The following BACH2 variants were observed in gnomAD, a reference collection of about 807,000 sequenced individuals.
BACH2 encodes BACH transcriptional regulator 2.
A neutral mutation model predicts 61.8 loss-of-function variants in BACH2; 5 were observed. The observed-to-expected ratio is 0.08, with a 90% CI of 0.04 to 0.17. The LOEUF (loss-of-function observed/expected upper bound fraction) is 0.17, where lower values mean the gene tolerates loss of function less well. BACH2 is among the 10% of genes least tolerant of loss of function. BACH2 has a pLI of 1.00. For synonymous variants in BACH2, 446 were observed against 440.1 expected, an observed-to-expected ratio of 1.01 and a Z score of -0.17; for missense variants, 824 against 1,091.1, an observed-to-expected ratio of 0.76 and a Z score of 3.45.
chr6:89,986,549 T>C (rs977354927), intron 6 of BACH2, among the ~76,000 whole-genome samples: 13 of 152,214 alleles, frequency 8.5e-5, no homozygotes, highest in Admixed American at 5.2e-4. Flanking sequence ...TGAATACACA[T>C]AATGGAGCAT....
intron 5 of BACH2, among the ~76,000 whole-genome samples, chr6:90,087,189 T>G (rs554794184): frequency 1.3e-5 from 2 of 152,322 alleles, no homozygotes; most frequent in East Asian, 1.9e-4. Flanking sequence ...ATTGCTTTAT[T>G]AACAGTGATT....
chr6:90,036,349 T>C (rs1378846823), intron 5 of BACH2, among the ~76,000 whole-genome samples: 1 of 152,060 alleles, frequency 6.6e-6, no homozygotes, highest in Non-Finnish European at 1.5e-5. Context: ...TAGCAGGTGA[T>C]ATTGTTCCCT....
At chr6:89,995,429 T>C (rs1582160936) in intron 6 of BACH2, among the ~76,000 whole-genome samples, 1 of 152,200 alleles carries the variant, frequency 6.6e-6, no homozygotes, top group African/African-American at 2.4e-5. Context: ...GCGAAGGGTA[T>C]TGTATTTCAT....
chr6:90,093,415 A>G (rs1782253233), intron 4 of BACH2, among the ~76,000 whole-genome samples: 1 of 152,146 alleles, frequency 6.6e-6, no homozygotes, highest in South Asian at 2.1e-4. Context: ...ATGCTATTCT[A>G]CTAACACTGT....
chr6:90,029,992 G>T (rs755990853), intron 5 of BACH2, among the ~76,000 whole-genome samples: 1 of 152,204 alleles, frequency 6.6e-6, no homozygotes, highest in Non-Finnish European at 1.5e-5. Context: ...TGAGTAGAAG[G>T]TCTTGAGTGT....
At chr6:89,964,203 T>C (rs1446728526) in intron 6 of BACH2, among the ~76,000 whole-genome samples, 1 of 80,732 alleles carries the variant, frequency 1.2e-5, no homozygotes, top group African/African-American at 5.1e-5. Context: ...ACTTAAAGTA[T>C]AATTAAAAAA....
chr6:90,293,288 C>T (rs895717576), intron 1 of BACH2, among the ~76,000 whole-genome samples: 3 of 152,160 alleles, frequency 2.0e-5, no homozygotes, highest in African/African-American at 7.2e-5. Context: ...AGATGTCACA[C>T]CCCTGAAATC....
chr6:90,109,126 T>C (rs1211368618), intron 4 of BACH2, among the ~76,000 whole-genome samples: 1 of 152,178 alleles, frequency 6.6e-6, no homozygotes, highest in African/African-American at 2.4e-5. Context: ...TTGCTGCCAT[T>C]ATTTCCTCAT....
intron 5 of BACH2, among the ~76,000 whole-genome samples, chr6:90,071,298 G>A (rs1458640212): frequency 6.6e-6 from 1 of 152,204 alleles, no homozygotes; most frequent in African/African-American, 2.4e-5. Context: ...CAGCCACTTT[G>A]TGGAGGAGAA....
chr6:90,108,799 A>G (rs961983356), intron 4 of BACH2, among the ~76,000 whole-genome samples: 4 of 152,182 alleles, frequency 2.6e-5, no homozygotes, highest in Non-Finnish European at 5.9e-5. Flanking sequence ...AACTTTCTTC[A>G]ATTTTAGCTA....
intron 1 of BACH2, among the ~76,000 whole-genome samples, chr6:90,273,462 A>T (rs1402226199): frequency 2.6e-5 from 4 of 152,214 alleles, no homozygotes; most frequent in Non-Finnish European, 5.9e-5. Context: ...AGTGCCTAGC[A>T]CAGTAAGCAC....
intron 7 of BACH2, among the ~76,000 whole-genome samples, chr6:89,945,867 A>T (rs1046016226): frequency 1.3e-5 from 2 of 152,176 alleles, no homozygotes; most frequent in Non-Finnish European, 2.9e-5. Context: ...TATGGTGTGT[A>T]TATTTAGGAA....
At chr6:90,141,133 C>A (rs1384448269) in intron 4 of BACH2, among the ~76,000 whole-genome samples, 1 of 152,072 alleles carries the variant, frequency 6.6e-6, no homozygotes, top group Non-Finnish European at 1.5e-5. Flanking sequence ...ATAAAATGTA[C>A]AAAGTAGGTT....
intron 3 of BACH2, among the ~76,000 whole-genome samples, chr6:90,235,950 T>C (rs1323155528): frequency 6.6e-6 from 1 of 152,274 alleles, no homozygotes; most frequent in Non-Finnish European, 1.5e-5. Context: ...AGTCAATTCT[T>C]GCAAGTCACA....
intron 4 of BACH2, among the ~76,000 whole-genome samples, chr6:90,176,908 C>T (rs1260427689): frequency 6.6e-6 from 1 of 152,152 alleles, no homozygotes; most frequent in Admixed American, 6.6e-5. Context: ...AGCCTCCAAG[C>T]CACTTAGATT....
At chr6:90,243,459 G>A (rs1397877825) in intron 3 of BACH2, among the ~76,000 whole-genome samples, 1 of 152,136 alleles carries the variant, frequency 6.6e-6, no homozygotes, top group East Asian at 1.9e-4. Flanking sequence ...TGTTAGGCTG[G>A]TTTTTGTTGC....
chr6:90,282,552 A>C (rs1304948976), intron 1 of BACH2, among the ~76,000 whole-genome samples: 1 of 152,008 alleles, frequency 6.6e-6, no homozygotes. Flanking sequence ...CCAGTCTATC[A>C]CTGATGGGCA....
intron 5 of BACH2, among the ~76,000 whole-genome samples, chr6:90,023,270 G>T (rs968525655): frequency 6.6e-6 from 1 of 151,596 alleles, no homozygotes; most frequent in African/African-American, 2.4e-5. Flanking sequence ...GGTGGGGCCT[G>T]GTGGGAGGTG....
At chr6:90,133,159 T>G (rs1011631715) in intron 4 of BACH2, among the ~76,000 whole-genome samples, 18 of 152,258 alleles carry the variant, frequency 1.2e-4, no homozygotes, top group African/African-American at 4.1e-4. Flanking sequence ...TTTTATATTT[T>G]CTCTGCCCAC....
Sources: allele counts gnomAD v4.1 joint callset (sites outside exome capture counted in the v4.1 genomes callset), GRCh38; gene constraint gnomAD v4.1.1; transcripts MANE v1.5; gene names NCBI Gene and HGNC (gene_info 2026-07-23, HGNC 2026-07-21).